The following ALOX5 variants were observed in gnomAD, a reference collection of about 807,000 sequenced individuals.
The protein encoded by ALOX5 is arachidonate 5-lipoxygenase.
Under a neutral mutation model 87.9 loss-of-function variants are expected in ALOX5, and 64 were observed. The ratio of observed to expected loss-of-function variants is 0.73; its 90% confidence interval spans 0.60 to 0.90. The LOEUF is 0.90. Among genes scored for constraint, ALOX5 ranks in the 40% least tolerant of loss-of-function variants. ALOX5 has a pLI of 0.00. For missense variants in ALOX5, 822 were observed against 907.5 expected (o/e 0.91, Z 1.21); for synonymous variants, 388 against 355.1 (o/e 1.09, Z -1.04).
In ALOX5 at chr10:45,423,333, G is replaced by A. The variant is rs988974526; in HGVS notation, c.555-708G>A. 3.9e-5 allele frequency among the ~76,000 whole-genome samples: 6 copies of A among 152,202 alleles called. No homozygotes were observed. The East Asian group carries it at 7.7e-4, about 20-fold the overall frequency. On this transcript the variant is annotated intron_variant, in intron 4 of 13. Transcript: ENST00000374391. ...TGCCAGAGAGAGAAACTGAGGCACA[G>A]TGTGTCATGGTGAACACTGGGCAGC...
At chr10:45,394,219 A>G (rs1250522791) in intron 2 of ALOX5, among the ~76,000 whole-genome samples, 1 of 152,252 alleles carries the variant, frequency 6.6e-6, no homozygotes, top group Non-Finnish European at 1.5e-5. Context: ...ACAAGGCTAC[A>G]GTAACCAAAA....
chr10:45,388,529 C>T (rs974040357), intron 2 of ALOX5, among the ~76,000 whole-genome samples: 2 of 152,264 alleles, frequency 1.3e-5, no homozygotes, highest in Non-Finnish European at 2.9e-5. Context: ...ATTTGCTGTT[C>T]AGCAATATTC....
At chr10:45,378,110 C>G (rs1484072506) in intron 1 of ALOX5, among the ~76,000 whole-genome samples, 1 of 152,164 alleles carries the variant, frequency 6.6e-6, no homozygotes, top group East Asian at 1.9e-4. Flanking sequence ...AAATGTGCTA[C>G]CCATGCCCAT....
At chr10:45,407,401 T>A (rs532478935) in intron 3 of ALOX5, among the ~76,000 whole-genome samples, 2 of 151,492 alleles carry the variant, frequency 1.3e-5, no homozygotes, top group African/African-American at 4.9e-5. Flanking sequence ...CTTTTTTTTT[T>A]TCCCCCCCAC....
At chr10:45,418,954 A>AG in intron 4 of ALOX5, among the ~76,000 whole-genome samples, 1 of 152,022 alleles carries the variant, frequency 6.6e-6, no homozygotes, top group Middle Eastern at 3.4e-3. Flanking sequence ...GGTGGGGGCG[A>AG]GGGGTCGGGG....
chr10:45,439,116 T>C lies in ALOX5; in HGVS notation c.982-1314T>C, dbSNP rs1842143652. ...TTGGTTTCATGTTGAAGTGATAATA[T>C]TCTGGATATATTGGGTAAAATAAAA... On this transcript the variant is annotated intron_variant, in intron 7 of 13. Coordinates refer to ENST00000374391, the MANE Select transcript of ALOX5 (RefSeq NM_000698.5). Among the ~76,000 whole-genome samples, 5 of 152,250 alleles carry C rather than the reference T, an allele frequency of 3.3e-5. No individual in the cohort carries two copies. In the South Asian group the frequency reaches 1.0e-3, roughly 31 times the overall value.
chr10:45,441,642 C>T (rs1842239051), intron 9 of ALOX5: 1 of 521,950 alleles, frequency 1.9e-6, no homozygotes. Context: ...TCTTCCTTCT[C>T]ACTGATGGCT....
intron 3 of ALOX5, among the ~76,000 whole-genome samples, chr10:45,398,132 G>A (rs113073827): frequency 5.3e-5 from 8 of 152,264 alleles, no homozygotes; most frequent in East Asian, 1.9e-4. Context: ...ATGTGATATC[G>A]GCATAAGGAT....
chr10:45,431,479 C>G (rs530786185), intron 7 of ALOX5, among the ~76,000 whole-genome samples: 1 of 151,594 alleles, frequency 6.6e-6, no homozygotes, highest in African/African-American at 2.4e-5. Flanking sequence ...ATATATTTCT[C>G]AAAAAAATCA....
intron 3 of ALOX5, among the ~76,000 whole-genome samples, chr10:45,404,597 A>C (rs1840813202): frequency 6.6e-6 from 1 of 152,266 alleles, no homozygotes. Context: ...TCTGGTTGAC[A>C]CAGATAGATG....
At chr10:45,407,029 T>C (rs1840908835) in intron 3 of ALOX5, among the ~76,000 whole-genome samples, 1 of 152,230 alleles carries the variant, frequency 6.6e-6, no homozygotes, top group Non-Finnish European at 1.5e-5. Flanking sequence ...CAGCTGAACT[T>C]GTTCAATTAA....
intron 7 of ALOX5, 87 bp from the exon 8 acceptor site, chr10:45,440,343 C>A: frequency 1.4e-6 from 2 of 1,408,530 alleles, no homozygotes; most frequent in Non-Finnish European, 2.0e-6. Context: ...TCAGATACTT[C>A]TGGAACTTCC....
chr10:45,438,333 A>C (rs1298955367), intron 7 of ALOX5, among the ~76,000 whole-genome samples: 1 of 152,094 alleles, frequency 6.6e-6, no homozygotes, highest in Non-Finnish European at 1.5e-5. Flanking sequence ...GACTTGGGAG[A>C]GCTGCTAAAC....
At chr10:45,432,647 C>T (rs1045617319) in intron 7 of ALOX5, among the ~76,000 whole-genome samples, 1 of 152,014 alleles carries the variant, frequency 6.6e-6, no homozygotes, top group African/African-American at 2.4e-5. Flanking sequence ...AAAAATAAAT[C>T]TCATCATGTA....
intron 5 of ALOX5, 71 bp downstream of exon 5, chr10:45,424,218 G>A (rs936338534): frequency 7.4e-6 from 10 of 1,359,972 alleles, no homozygotes; most frequent in African/African-American, 4.3e-5. Context: ...GATACTTGCC[G>A]GGAAATTGAC....
At chr10:45,434,387 G>A (rs956421484) in intron 7 of ALOX5, among the ~76,000 whole-genome samples, 3 of 152,204 alleles carry the variant, frequency 2.0e-5, no homozygotes, top group African/African-American at 7.2e-5. Context: ...GGTAGCAACA[G>A]GAGCATAGTT....
At chr10:45,381,056 A>G (rs1839809756) in intron 1 of ALOX5, among the ~76,000 whole-genome samples, 2 of 152,352 alleles carry the variant, frequency 1.3e-5, no homozygotes, top group South Asian at 4.1e-4. Context: ...CCTGTCTGCC[A>G]TCCATTGCTG....
chr10:45,409,633 C>T (rs1841001922), intron 3 of ALOX5, among the ~76,000 whole-genome samples: 1 of 152,020 alleles, frequency 6.6e-6, no homozygotes, highest in Admixed American at 6.6e-5. Context: ...TTCTCTCTCT[C>T]TCTCATTTTT....
chr10:45,384,828 G>T (rs1013120088), intron 2 of ALOX5, among the ~76,000 whole-genome samples: 13 of 135,516 alleles, frequency 9.6e-5, no homozygotes, highest in African/African-American at 3.2e-4. Flanking sequence ...CAAAGAATTT[G>T]TGGCCTATTA....
Sources: gnomAD v4.1 joint callset for allele counts (sites outside exome capture counted in the v4.1 genomes callset) on GRCh38, gnomAD v4.1.1 for gene constraint, MANE v1.5 for transcripts, NCBI Gene and HGNC (gene_info 2026-07-23, HGNC 2026-07-21) for gene names.